The following ELP1 variants were observed in gnomAD, a reference collection of about 807,000 sequenced individuals.
ELP1 encodes the protein elongator complex protein 1.
A neutral mutation model predicts 183.2 loss-of-function variants in ELP1; 131 were observed. The observed-to-expected ratio is 0.72, with a 90% confidence interval of 0.62 to 0.83. The LOEUF (loss-of-function observed/expected upper bound fraction) is 0.83. Among genes scored for constraint, ELP1 ranks in the 40% least tolerant of loss-of-function variants. The pLI is 0.00. For synonymous variants in ELP1, 555 were observed against 569.0 expected (o/e 0.98, Z 0.35); for missense variants, 1,550 against 1,594.9 (o/e 0.97, Z 0.48).
At position 108,879,534 on chromosome 9, in the gene ELP1, C is replaced by T. The variant is rs1252450233; in HGVS notation, c.3484G>A (p.Glu1162Lys). Residue 1162 changes from glutamate (E) to lysine (K), a missense_variant, in exon 33 of 37, where the codon GAG becomes AAG. By Grantham distance (56) the Glu-to-Lys change is moderately conservative (BLOSUM62 1). Coordinates refer to ENST00000374647, the MANE Select transcript of ELP1 (RefSeq NM_003640.5). ...CTAGTTTCAGAGAAGAGGTCTGACT[C>T]TTGCCCGTGGGGTACCTCATCATCT... ...GLDDEVPHGQ[E>K]SDLFSETSSV... 6.2e-7 allele frequency: 1 copy of T among 1,614,108 alleles called. No individual in the cohort carries two copies. The highest frequency in any genetic ancestry group is 2.2e-5 in the East Asian group (1 of 44,878).
chr9:108,917,619 A>G lies in ELP1; in HGVS notation c.792T>C (p.Asp264=), dbSNP rs2132027995. Residue 264 remains aspartate (D), a synonymous_variant, in exon 9 of 37, where the codon GAT becomes GAC. Coordinates refer to ENST00000374647, the MANE Select transcript of ELP1 (RefSeq NM_003640.5). ...GTCCATTTTTCTCAAAAAACACAAT[A>G]TCCTGCTGGTTGGGTTTATCTTGTG... ...ASTQDKPNQQ[D]IVFFEKNGLL... 2 of 1,613,906 alleles carry G rather than the reference A, an allele frequency of 1.2e-6. No homozygotes were observed. The highest frequency in any genetic ancestry group is 1.7e-6 in the Non-Finnish European group (2 of 1,179,786).
At position 108,906,372 on chromosome 9, in the gene ELP1, C is replaced by T. The variant is rs838827; in HGVS notation, c.1574G>A (p.Arg525Gln). Residue 525 changes from arginine to glutamine, a missense_variant, in exon 14 of 37, where the codon CGG becomes CAG. Transcript: ENST00000374647. ...LAVSHSEFSP[R>Q]SVIHHLTAAS... The stretch of plus-strand genomic sequence containing the variant: ...TGCAGTCAAATGGTGAATGACAGAC[C>T]GGGGGCTGAACTCACTGTGGCTTAC... 0.06 allele frequency: 96,336 copies of T among 1,613,862 alleles called. 3,364 individuals are homozygous for T. Among genetic ancestry groups the T allele is most frequent in the African/African-American group, 0.11 (8,215 of 74,964 alleles).
Position 108,901,511 on chromosome 9 carries a change from G to A in ELP1, c.1928C>T (p.Ser643Leu). The A allele has an allele frequency of 1.2e-6, 2 of 1,613,976 alleles. No homozygotes were observed. The highest frequency in any genetic ancestry group is 1.7e-6 in the Non-Finnish European group (2 of 1,179,852). Residue 643 changes from serine to leucine, a missense_variant, in exon 18 of 37, where the codon TCA becomes TTA. Transcript: ENST00000374647. ...NDIEVASNIT[S>L]FAVYDEFLLL... The stretch of plus-strand genomic sequence containing the variant: ...TAAAAACTCATCATATACTGCAAAT[G>A]ACGTGATATTTGACGCAACCTGCAA...
Position 108,919,299 on chromosome 9 carries a change from C to T in ELP1, c.603G>A (p.Arg201=). 6.2e-7 allele frequency: 1 copy of T among 1,613,884 alleles called. No homozygotes were observed. Among genetic ancestry groups the T allele is most frequent in the Non-Finnish European group, 8.5e-7 (1 of 1,179,902 alleles). Residue 201 remains arginine, a synonymous_variant, in exon 7 of 37, where the codon CGG becomes CGA. Transcript: ENST00000374647. ...WDDHRPQVTW[R]GDGQFFAVSV... ...TCACAGCAAAAAACTGTCCATCCCC[C>T]CGCCAGGTAACTTGTGGTCTATGGT...
intron 35 of ELP1, among the ~76,000 whole-genome samples, chr9:108,877,034 C>T (rs774384107): frequency 1.1e-4 from 16 of 152,122 alleles, no homozygotes; most frequent in Admixed American, 3.9e-4. Context: ...ACACCTGGCC[C>T]GACCGGCTGG....
Position 108,892,982 on chromosome 9 carries a change from A to T in ELP1, c.2958+4T>A, listed in dbSNP as rs776280363. 7 of 1,604,518 alleles carry T rather than the reference A, an allele frequency of 4.4e-6. No homozygotes were observed. The East Asian group carries it at 1.6e-4, about 36-fold the overall frequency. ...GGAGAGCCTCATTTTCACATACCAC[A>T]TACCTGGTACTGTTGTGAGCTTGGT... On this transcript the variant is annotated splice_donor_region_variant and intron_variant, in intron 27 of 36. Transcript: ENST00000374647.
chr9:108,898,872 T>C, intron 20 of ELP1, 123 bp from the exon 21 acceptor site: 2 of 687,858 alleles, frequency 2.9e-6, no homozygotes, highest in South Asian at 3.2e-5. Context: ...GCCAAGCTGC[T>C]ATCACTGGAT....
At chr9:108,891,432 G>A in intron 27 of ELP1, 28 bp from the exon 28 acceptor site, 1 of 1,596,626 alleles carries the variant, frequency 6.3e-7, no homozygotes. Context: ...TTAGGACTGA[G>A]GAGGAAATAT....
chr9:108,895,353 T>C, intron 25 of ELP1, among the ~76,000 whole-genome samples: 1 of 152,152 alleles, frequency 6.6e-6, no homozygotes, highest in East Asian at 1.9e-4. Context: ...GAAGCATGAA[T>C]GGCTTACTGG....
At chr9:108,876,481 T>C (rs1827709433) in intron 35 of ELP1, among the ~76,000 whole-genome samples, 1 of 152,200 alleles carries the variant, frequency 6.6e-6, no homozygotes, top group South Asian at 2.1e-4. Context: ...AGAAGTCTTA[T>C]GCCCATTTCT....
At chr9:108,883,039 AG>A (rs1396915591) in intron 29 of ELP1, among the ~76,000 whole-genome samples, 3 of 152,220 alleles carry the variant, frequency 2.0e-5, no homozygotes, top group Non-Finnish European at 4.4e-5. Flanking sequence ...GATACACAAA[AG>A]TTCTTAATTT....
At chr9:108,927,851 C>T (rs571610348) in intron 3 of ELP1, among the ~76,000 whole-genome samples, 1 of 152,160 alleles carries the variant, frequency 6.6e-6, no homozygotes, top group Non-Finnish European at 1.5e-5. Context: ...ATTGAACTCA[C>T]GGACACAGAG....
At chr9:108,896,407 G>C (rs1416929623) in intron 25 of ELP1, 89 bp downstream of exon 25, 10 of 1,242,346 alleles carry the variant, frequency 8.0e-6, no homozygotes, top group Non-Finnish European at 1.2e-5. Flanking sequence ...AGTGATAGCA[G>C]AAAAGCTACT....
intron 32 of ELP1, 26 bp from the exon 33 acceptor site, chr9:108,879,583 T>C (rs1272720030): frequency 6.6e-7 from 1 of 1,504,524 alleles, no homozygotes. Context: ...CAGAAGCCGA[T>C]GAAAACACTG....
intron 6 of ELP1, among the ~76,000 whole-genome samples, chr9:108,921,534 T>C (rs1228077010): frequency 6.6e-6 from 1 of 151,758 alleles, no homozygotes; most frequent in Non-Finnish European, 1.5e-5. Context: ...TTGCACCAAC[T>C]ATTTACTTGG....
rs1312848493 is a variant in ELP1, at chr9:108,893,031, A to G, written c.2913T>C (p.Tyr971=). Residue 971 remains tyrosine, a synonymous_variant, in exon 27 of 37, where the codon TAT becomes TAC. Coordinates refer to ENST00000374647, the MANE Select transcript of ELP1 (RefSeq NM_003640.5). ...GTGAATATAACTTCAGAGCTTCGTT[A>G]TACAAGTTTTTATCTTTTATCAAGT... ...CLNLIKDKNL[Y]NEALKLYSPS... 3 of 1,614,030 alleles carry G rather than the reference A, an allele frequency of 1.9e-6. No individual in the cohort carries two copies. Among genetic ancestry groups the G allele is most frequent in the Non-Finnish European group, 2.5e-6 (3 of 1,179,904 alleles).
intron 35 of ELP1, 89 bp downstream of exon 35, chr9:108,877,906 C>A: frequency 7.3e-7 from 1 of 1,360,760 alleles, no homozygotes; most frequent in Non-Finnish European, 1.1e-6. Flanking sequence ...GTTTTAAGAA[C>A]AGGAAAACTT....
rs139202081 is a variant in ELP1 at position 108,914,876 on chromosome 9, C to A, written c.958+1328G>T. On this transcript the variant is annotated intron_variant, in intron 10 of 36. Transcript: ENST00000374647. ...TCCTGACCTCGTGATCCGCCCGCCT[C>A]GGCCTCCCAAAGTGCTGGGCCCCCA... 5.3e-5 allele frequency among the ~76,000 whole-genome samples: 8 copies of A among 152,280 alleles called. No individual in the cohort carries two copies. The East Asian group carries it at 1.5e-3, about 29-fold the overall frequency.
At chr9:108,894,448 C>A (rs911565702) in intron 25 of ELP1, among the ~76,000 whole-genome samples, 2 of 152,166 alleles carry the variant, frequency 1.3e-5, no homozygotes, top group Admixed American at 1.3e-4. Context: ...TGAGAGAGAT[C>A]CACATTTAGA....
Sources: gnomAD v4.1 joint callset for allele counts (sites outside exome capture counted in the v4.1 genomes callset) on GRCh38, gnomAD v4.1.1 for gene constraint, MANE v1.5 for transcripts, NCBI Gene and HGNC (gene_info 2026-07-23, HGNC 2026-07-21) for gene names.